The following MCTP1 variants were observed in gnomAD, a reference collection of about 807,000 sequenced individuals.
MCTP1 encodes multiple C2 and transmembrane domain containing 1.
A neutral mutation model predicts 120.6 loss-of-function variants in MCTP1; 69 were observed. That is an observed-to-expected ratio of 0.57 (90% CI 0.47 to 0.70). The LOEUF (loss-of-function observed/expected upper bound fraction) is 0.70. Among genes scored for constraint, MCTP1 ranks in the 30% least tolerant of loss-of-function variants. MCTP1 has a pLI of 0.00. For synonymous variants in MCTP1, 529 were observed against 493.1 expected (o/e 1.07, Z -0.96); for missense variants, 1,203 against 1,248.8 (o/e 0.96, Z 0.55).
intron 1 of MCTP1, among the ~76,000 whole-genome samples, chr5:95,239,062 G>A (rs1755876664): frequency 6.6e-6 from 1 of 152,130 alleles, no homozygotes; most frequent in African/African-American, 2.4e-5. Flanking sequence ...TTCTCAAAAA[G>A]GGGAGAAAAA....
intron 18 of MCTP1, among the ~76,000 whole-genome samples, chr5:94,785,542 A>G (rs1179332261): frequency 6.6e-6 from 1 of 152,138 alleles, no homozygotes; most frequent in Non-Finnish European, 1.5e-5. Context: ...TGCAAGTAAA[A>G]TTAAAAGCTA....
intron 17 of MCTP1, among the ~76,000 whole-genome samples, chr5:94,828,159 T>A (rs1013134204): frequency 1.3e-5 from 2 of 152,192 alleles, no homozygotes; most frequent in African/African-American, 4.8e-5. Flanking sequence ...TCATCCTTTT[T>A]GTTGATGTTG....
intron 2 of MCTP1, among the ~76,000 whole-genome samples, chr5:95,001,936 G>A (rs1302822112): frequency 6.6e-6 from 1 of 152,184 alleles, no homozygotes; most frequent in Non-Finnish European, 1.5e-5. Flanking sequence ...AGGCCTAGGA[G>A]GCAAAAATTA....
In MCTP1 at chr5:94,771,536, C is replaced by T. The variant is rs115338916; in HGVS notation, c.2610+7574G>A. Among the ~76,000 whole-genome samples the T allele has an allele frequency of 8.6e-3, 1,316 of 152,238 alleles. 26 individuals carry two copies. Among genetic ancestry groups the T allele is most frequent in the African/African-American group, 0.031 (1,268 of 41,540 alleles). On this transcript the variant is annotated intron_variant, in intron 19 of 22. Coordinates refer to ENST00000515393, the MANE Select transcript of MCTP1 (RefSeq NM_024717.7). ...TGACTGCATTAAAAATGGGCAATAA[C>T]CCACTCTCATTTTTGAACAAGCTTT... is the stretch of plus-strand genomic sequence containing the variant.
intron 18 of MCTP1, among the ~76,000 whole-genome samples, chr5:94,797,685 G>T (rs1436475378): frequency 6.6e-6 from 1 of 152,064 alleles, no homozygotes; most frequent in Non-Finnish European, 1.5e-5. Context: ...TACAAAGAAG[G>T]TTTTGAACAT....
At chr5:94,815,999 A>C (rs749640400) in intron 17 of MCTP1, among the ~76,000 whole-genome samples, 3 of 152,216 alleles carry the variant, frequency 2.0e-5, no homozygotes, top group Non-Finnish European at 4.4e-5. Context: ...TGGCATACAG[A>C]TGGGGAGGAA....
intron 2 of MCTP1, among the ~76,000 whole-genome samples, chr5:95,007,749 G>T (rs1378274712): frequency 6.6e-6 from 1 of 152,136 alleles, no homozygotes; most frequent in Non-Finnish European, 1.5e-5. Flanking sequence ...AAACTTCACT[G>T]GGGGTAAACT....
intron 1 of MCTP1, among the ~76,000 whole-genome samples, chr5:95,216,754 G>A (rs150791884): frequency 3.9e-5 from 6 of 152,240 alleles, no homozygotes; most frequent in African/African-American, 1.4e-4. Flanking sequence ...TTAAGCTGAT[G>A]GATAATCTGG....
intron 1 of MCTP1, among the ~76,000 whole-genome samples, chr5:95,069,022 C>T (rs969082561): frequency 8.7e-5 from 13 of 149,872 alleles, no homozygotes; most frequent in Admixed American, 2.0e-4. Flanking sequence ...GTGCTACATA[C>T]GTAATTAAAA....
chr5:94,898,510 T>C (rs1804682841), intron 10 of MCTP1, among the ~76,000 whole-genome samples: 1 of 152,214 alleles, frequency 6.6e-6, no homozygotes, highest in South Asian at 2.1e-4. Flanking sequence ...CATAGTCTGG[T>C]GCAATGTGAA....
intron 1 of MCTP1, among the ~76,000 whole-genome samples, chr5:95,123,804 T>G (rs1391559275): frequency 6.6e-6 from 1 of 152,038 alleles, no homozygotes; most frequent in Non-Finnish European, 1.5e-5. Context: ...CGCCCGCCAC[T>G]GCGCCCGGCT....
At position 95,201,464 on chromosome 5, in the gene MCTP1, GTTTTTTTTTTTTTTTTTTTT is replaced by G. The variant is rs70978174; in HGVS notation, c.720+82372_720+82391del. On this transcript the variant is annotated intron_variant, in intron 1 of 22. Coordinates refer to ENST00000515393, the MANE Select transcript of MCTP1 (RefSeq NM_024717.7). ...AGGGATAAAATGTAAAGGAAAAGTG[GTTTTTTTTTTTTTTTTTTTT>G]TTTTTTTTTTTTTTTTTTTTTTTTT... Among the ~76,000 whole-genome samples, 209 of 97,242 alleles carry G rather than the reference GTTTTTTTTTTTTTTTTTTTT, an allele frequency of 2.1e-3. 6 individuals are homozygous for G. Among genetic ancestry groups the G allele is most frequent in the African/African-American group, 7.2e-3 (178 of 24,606 alleles). The allele number at this position is 97,242 out of a possible 152,430, so 63.8% of individuals were successfully genotyped here.
intron 1 of MCTP1, among the ~76,000 whole-genome samples, chr5:95,226,415 T>G (rs1228255262): frequency 6.6e-6 from 1 of 152,194 alleles, no homozygotes; most frequent in Non-Finnish European, 1.5e-5. Context: ...AATACTTAAA[T>G]GAGCAAAACT....
intron 17 of MCTP1, among the ~76,000 whole-genome samples, chr5:94,829,758 T>A (rs1788110065): frequency 6.6e-6 from 1 of 152,088 alleles, no homozygotes; most frequent in South Asian, 2.1e-4. Flanking sequence ...ATGAAGGATA[T>A]AGGACAGAGA....
At chr5:94,728,550 C>T (rs1466187979) in intron 19 of MCTP1, among the ~76,000 whole-genome samples, 1 of 152,114 alleles carries the variant, frequency 6.6e-6, no homozygotes, top group Non-Finnish European at 1.5e-5. Flanking sequence ...GTGCATTTTA[C>T]GAGTCATGTG....
At chr5:95,282,438 C>G (rs1003195090) in intron 1 of MCTP1, among the ~76,000 whole-genome samples, 1 of 151,892 alleles carries the variant, frequency 6.6e-6, no homozygotes, top group Admixed American at 6.6e-5. Flanking sequence ...TGTAAAGTTC[C>G]CCAACTCTGA....
chr5:94,718,962 C>T (rs1413386627), intron 19 of MCTP1, among the ~76,000 whole-genome samples: 1 of 152,180 alleles, frequency 6.6e-6, no homozygotes, highest in Non-Finnish European at 1.5e-5. Flanking sequence ...CCCAGGTGAT[C>T]CACCCACCTT....
intron 1 of MCTP1, among the ~76,000 whole-genome samples, chr5:95,112,749 T>C (rs1016835841): frequency 3.3e-5 from 5 of 152,114 alleles, no homozygotes; most frequent in East Asian, 1.9e-4. Context: ...ATGTTAAAAA[T>C]GTGAAATAAA....
intron 1 of MCTP1, among the ~76,000 whole-genome samples, chr5:95,243,363 A>G (rs977287014): frequency 1.3e-5 from 2 of 152,226 alleles, no homozygotes; most frequent in African/African-American, 4.8e-5. Flanking sequence ...GCTGAGACTT[A>G]AAGAGGAGAA....
Sources: gnomAD v4.1 joint callset for allele counts (sites outside exome capture counted in the v4.1 genomes callset) on GRCh38, gnomAD v4.1.1 for gene constraint, MANE v1.5 for transcripts, NCBI Gene and HGNC (gene_info 2026-07-23, HGNC 2026-07-21) for gene names.